The following CLDN16 variants were observed in gnomAD, a reference collection of about 807,000 sequenced individuals.
CLDN16 encodes the protein claudin-16.
In CLDN16, 13 loss-of-function variants were observed where a neutral mutation model predicts 24.6. The ratio of observed to expected loss-of-function variants is 0.53; its 90% CI spans 0.34 to 0.84. CLDN16 has a LOEUF of 0.84. Ranked by LOEUF, CLDN16 falls within the 40% of genes least tolerant of loss-of-function variation. The probability of loss-of-function intolerance (pLI) is 0.01; values close to 1 mark genes in which losing one functional copy is unlikely to be tolerated. For missense variants in CLDN16, 298 were observed against 292.7 expected, an observed-to-expected ratio of 1.02 and a Z score of -0.13; for synonymous variants, 116 against 106.7, an observed-to-expected ratio of 1.09 and a Z score of -0.54.
At chr3:190,377,799 T>C (rs1718276851) in intron 3 of CLDN16, among the ~76,000 whole-genome samples, 1 of 151,928 alleles carries the variant, frequency 6.6e-6, no homozygotes, top group African/African-American at 2.4e-5. Context: ...GAGCTAAAAG[T>C]GTAAAGAAGG....
At chr3:190,388,037 C>G (rs1718548680), upstream of CLDN16, 3 of 1,325,936 alleles carry the variant, frequency 2.3e-6, no homozygotes, top group Non-Finnish European at 3.2e-6. Flanking sequence ...GAAAACGTTA[C>G]AGAACTCCTC....
At chr3:190,359,124 T>C (rs1245982402) in intron 1 of CLDN16, among the ~76,000 whole-genome samples, 1 of 152,046 alleles carries the variant, frequency 6.6e-6, no homozygotes, top group Non-Finnish European at 1.5e-5. Flanking sequence ...TGTATATAAA[T>C]TAATGATTGG....
rs904271785 is a variant in CLDN16, at chr3:190,411,819, A to G, written c.*1783A>G. On this transcript the variant is annotated 3_prime_UTR_variant, in exon 5 of 5. Transcript: ENST00000264734. ...TTTACTTTAAAAATATTTGCAAATC[A>G]TACTCATTAGTTATTTGATCATTGT... 6 of 152,108 alleles carry G rather than the reference A, an allele frequency of 3.9e-5. No individual in the cohort carries two copies. The highest frequency in any genetic ancestry group is 7.4e-5 in the Non-Finnish European group (5 of 67,970). 9.4% of individuals were successfully genotyped at this position (152,108 alleles called of 1,614,324 possible). A position where few individuals can be genotyped will look rare whatever the true frequency, so the allele number is the denominator to read the frequency against.
rs562099300 is a variant in CLDN16, at chr3:190,369,363, T to C, written n.122-1530T>C. On this transcript the variant is annotated intron_variant and non_coding_transcript_variant, in intron 1 of 4. Coordinates refer to the CLDN16 transcript ENST00000468220. ...TCTTTTAACTGATTCATAAAGCTAT[T>C]GTAGAGCTCAGATGAAATTGTTTAT... is the stretch of plus-strand genomic sequence containing the variant. Among the ~76,000 whole-genome samples the C allele has an allele frequency of 2.6e-5, 4 of 152,084 alleles. No homozygotes were observed. In the South Asian group the frequency reaches 8.3e-4, roughly 32 times the overall value.
In CLDN16 at chr3:190,402,370, T is replaced by C. The variant is rs1430185772; in HGVS notation, c.148T>C (p.Cys50Arg). 2.5e-6 allele frequency: 4 copies of C among 1,613,932 alleles called. No homozygotes were observed. The highest frequency in any genetic ancestry group is 3.4e-6 in the Non-Finnish European group (4 of 1,180,014). ...STKCRGLWWE[C>R]VTNAFDGIRT... ...AAAATGCCGAGGCCTCTGGTGGGAA[T>C]GCGTCACAAATGCTTTTGATGGGAT... The change falls in exon 2 of 5, where the codon TGC (cysteine) becomes CGC (arginine). Residue 50 changes from cysteine to arginine, a missense_variant. Coordinates refer to ENST00000264734, the MANE Select transcript of CLDN16 (RefSeq NM_006580.4).
chr3:190,366,981 C>T (rs11709671), intron 1 of CLDN16, among the ~76,000 whole-genome samples: 1 of 151,712 alleles, frequency 6.6e-6, no homozygotes, highest in Non-Finnish European at 1.5e-5. Flanking sequence ...TGCCCCAAAG[C>T]AGCATGTGGG....
chr3:190,299,307 T>A, the CLDN16 span, among the ~76,000 whole-genome samples: 1 of 152,130 alleles, frequency 6.6e-6, no homozygotes, highest in Non-Finnish European at 1.5e-5. Context: ...TTATAATTGA[T>A]CTATTGGTTT....
the CLDN16 span, among the ~76,000 whole-genome samples, chr3:190,297,643 A>G: frequency 7.1e-6 from 1 of 141,474 alleles, no homozygotes; most frequent in African/African-American, 2.6e-5. Context: ...TATATAATAT[A>G]TATCTATATT....
chr3:190,337,417 C>T (rs1197984540), intron 1 of CLDN16, among the ~76,000 whole-genome samples: 1 of 152,094 alleles, frequency 6.6e-6, no homozygotes, highest in African/African-American at 2.4e-5. Context: ...ACAAAGCAAC[C>T]AAGTGTGGAG....
At chr3:190,394,144 G>A (rs1465634725) in intron 1 of CLDN16, among the ~76,000 whole-genome samples, 1 of 152,084 alleles carries the variant, frequency 6.6e-6, no homozygotes, top group East Asian at 1.9e-4. Context: ...TTTATCAAAT[G>A]CTCACATTTA....
intron 1 of CLDN16, among the ~76,000 whole-genome samples, chr3:190,324,719 T>C (rs535162872): frequency 6.4e-4 from 97 of 152,274 alleles, no homozygotes; most frequent in Middle Eastern, 3.4e-3. Flanking sequence ...GAGGCTGAGG[T>C]GAATGCTGTT....
At chr3:190,315,694 G>A in the CLDN16 span, among the ~76,000 whole-genome samples, 558 of 152,170 alleles carry the variant, frequency 3.7e-3, 2 homozygotes, top group Middle Eastern at 0.048. Context: ...CTTGCTCCAA[G>A]TTTTTCTCTT....
At chr3:190,302,212 G>A in the CLDN16 span, among the ~76,000 whole-genome samples, 2 of 152,076 alleles carry the variant, frequency 1.3e-5, no homozygotes, top group African/African-American at 4.8e-5. Context: ...CCTTCTCATT[G>A]AAGACTTCCA....
the CLDN16 span, among the ~76,000 whole-genome samples, chr3:190,305,245 C>T: frequency 6.6e-6 from 1 of 152,154 alleles, no homozygotes; most frequent in Admixed American, 6.5e-5. Context: ...AAGGTTGTGT[C>T]AGTTATTGAT....
chr3:190,295,296 A>C, the CLDN16 span, among the ~76,000 whole-genome samples: 2 of 152,190 alleles, frequency 1.3e-5, no homozygotes, highest in East Asian at 3.8e-4. Flanking sequence ...CAATAAACTC[A>C]GAGAAAAAAA....
At chr3:190,314,175 T>C in the CLDN16 span, among the ~76,000 whole-genome samples, 1 of 152,222 alleles carries the variant, frequency 6.6e-6, no homozygotes, top group Non-Finnish European at 1.5e-5. Flanking sequence ...TTGGAACAAT[T>C]GACTCCTTGA....
chr3:190,398,230 A>T (rs1718868404), intron 1 of CLDN16, among the ~76,000 whole-genome samples: 1 of 152,238 alleles, frequency 6.6e-6, no homozygotes, highest in Non-Finnish European at 1.5e-5. Flanking sequence ...TGCCGTAACA[A>T]ATGACCATAA....
At chr3:190,330,102 G>T (rs1717152416) in intron 1 of CLDN16, among the ~76,000 whole-genome samples, 1 of 151,954 alleles carries the variant, frequency 6.6e-6, no homozygotes, top group South Asian at 2.1e-4. Flanking sequence ...GCAATTTCAG[G>T]TTCGCTAGCT....
At chr3:190,319,934 T>G (rs1179862921), upstream of CLDN16, among the ~76,000 whole-genome samples, 1 of 152,112 alleles carries the variant, frequency 6.6e-6, no homozygotes, top group East Asian at 1.9e-4. Flanking sequence ...CACCTGTGAG[T>G]CAAGGGTCCC....
Sources: allele counts gnomAD v4.1 joint callset (sites outside exome capture counted in the v4.1 genomes callset), GRCh38; gene constraint gnomAD v4.1.1; transcripts MANE v1.5; gene names NCBI Gene and HGNC (gene_info 2026-07-23, HGNC 2026-07-21).